The following VPS8 variants were observed in gnomAD, a reference collection of about 807,000 sequenced individuals.
The protein encoded by VPS8 is VPS8 subunit of CORVET complex, also known as vacuolar protein sorting-associated protein 8 homolog.
VPS8 carries 129 observed loss-of-function variants against 216.4 expected under a neutral mutation model. That is an observed-to-expected ratio of 0.60 (90% CI 0.52 to 0.69). VPS8 has a LOEUF of 0.69. Among genes scored for constraint, VPS8 ranks in the 30% least tolerant of loss-of-function variants. The pLI is 0.00. For missense variants in VPS8, 1,531 were observed against 1,683.5 expected (o/e 0.91, Z 1.59); for synonymous variants, 571 against 565.4 (o/e 1.01, Z -0.14).
chr3:184,929,474 G>GCCT, intron 32 of VPS8, 106 bp from the exon 33 acceptor site: 1 of 675,670 alleles, frequency 1.5e-6, no homozygotes, highest in South Asian at 1.7e-5. Flanking sequence ...ATAAGCATGA[G>GCCT]CCAGGACACC....
At chr3:184,904,075 A>G (rs527756301) in intron 25 of VPS8, among the ~76,000 whole-genome samples, 2 of 152,236 alleles carry the variant, frequency 1.3e-5, no homozygotes, top group South Asian at 4.1e-4. Context: ...TGACTTTTGT[A>G]TATTGATCTT....
chr3:185,031,650 T>G (rs1758184004), intron 46 of VPS8, among the ~76,000 whole-genome samples: 1 of 152,190 alleles, frequency 6.6e-6, no homozygotes, highest in Non-Finnish European at 1.5e-5. Flanking sequence ...AACTGGTACC[T>G]GTGGGTAGCT....
chr3:184,943,119 A>G (rs1423867702), intron 36 of VPS8, among the ~76,000 whole-genome samples: 1 of 152,188 alleles, frequency 6.6e-6, no homozygotes, highest in East Asian at 1.9e-4. Flanking sequence ...GCACACTCAG[A>G]TATAGAGTGT....
intron 42 of VPS8, among the ~76,000 whole-genome samples, chr3:184,983,412 GAT>G (rs1466853633): frequency 1.3e-5 from 2 of 152,190 alleles, no homozygotes; most frequent in Admixed American, 6.5e-5. Context: ...GTTATCAGCT[GAT>G]TATAATTTTT....
At chr3:185,031,079 T>TTTTTTTTTG (rs1758089529) in intron 46 of VPS8, among the ~76,000 whole-genome samples, 1 of 148,636 alleles carries the variant, frequency 6.7e-6, no homozygotes, top group African/African-American at 2.5e-5. Context: ...TTTTTTTTTT[T>TTTTTTTTTG]TTTTTTTTTT....
intron 8 of VPS8, among the ~76,000 whole-genome samples, chr3:184,848,564 C>CTTTTTTTTT (rs35715889): frequency 1.0e-3 from 89 of 87,176 alleles, no homozygotes; most frequent in Non-Finnish European, 1.7e-3. Context: ...TTCCTGTATT[C>CTTTTTTTTT]TTTTTTTTTT....
intron 37 of VPS8, among the ~76,000 whole-genome samples, chr3:184,962,761 G>GTGTGTGTGTGTGTGTGTGTGTGTGTGTT (rs1324151343): frequency 1.1e-5 from 1 of 93,012 alleles, no homozygotes; most frequent in African/African-American, 3.3e-5. Context: ...GTGTGTGTGT[G>GTGTGTGTGTGTGTGTGTGTGTGTGTGTT]TGTGTCTTAT....
At chr3:184,955,186 C>T (rs1745367639) in intron 36 of VPS8, among the ~76,000 whole-genome samples, 1 of 152,186 alleles carries the variant, frequency 6.6e-6, no homozygotes, top group South Asian at 2.1e-4. Context: ...TCTAGGCCTG[C>T]CCGCAGTCAT....
rs1299351427 is a variant in VPS8 at position 185,016,102 on chromosome 3, ATTACTCAT to A, written c.4003-8233_4003-8226del. On this transcript the variant is annotated intron_variant, in intron 45 of 47. Coordinates refer to ENST00000625842, the MANE Select transcript of VPS8 (RefSeq NM_001009921.3). ...GATCTCCTCTAAGGATAGAAAATAG[ATTACTCAT>A]GGCGTAGGTAGGAATGCCTAGAGCA... Among the ~76,000 whole-genome samples, 175 of 152,336 alleles carry A rather than the reference ATTACTCAT, an allele frequency of 1.1e-3. 2 individuals carry two copies. Among genetic ancestry groups the A allele is most frequent in the African/African-American group, 4.1e-3 (169 of 41,572 alleles).
At chr3:184,867,645 A>G (rs904956197) in intron 17 of VPS8, among the ~76,000 whole-genome samples, 1 of 152,234 alleles carries the variant, frequency 6.6e-6, no homozygotes, top group Non-Finnish European at 1.5e-5. Flanking sequence ...TAAGAGTTCA[A>G]GACCAGCCTG....
At chr3:184,917,260 C>T (rs1014805924) in intron 28 of VPS8, among the ~76,000 whole-genome samples, 1 of 152,072 alleles carries the variant, frequency 6.6e-6, no homozygotes, top group Non-Finnish European at 1.5e-5. Context: ...TGAGACAGAG[C>T]AATGAGTATT....
intron 31 of VPS8, among the ~76,000 whole-genome samples, chr3:184,928,134 T>G (rs1740013829): frequency 6.6e-6 from 1 of 152,250 alleles, no homozygotes; most frequent in Admixed American, 6.5e-5. Context: ...AAAAATTCAC[T>G]TCTTGAAAGA....
chr3:185,037,617 T>G (rs143617983), intron 46 of VPS8, among the ~76,000 whole-genome samples: 283 of 152,300 alleles, frequency 1.9e-3, no homozygotes, highest in African/African-American at 6.8e-3. Context: ...TGATGATAAC[T>G]CCACATTTCT....
rs547071306 is a variant in VPS8, at chr3:184,920,114, T to C, written c.2383-13T>C. On this transcript the variant is annotated splice_polypyrimidine_tract_variant and intron_variant, in intron 28 of 47. Transcript: ENST00000625842. The stretch of plus-strand genomic sequence containing the variant: ...ATAATAATTACTTTAAAAAATTTAT[T>C]TCTCCCTTTTAGACTTTTGAAGATT... 6.1e-5 allele frequency: 92 copies of C among 1,496,112 alleles called. No homozygotes were observed. In the South Asian group the frequency reaches 1.1e-3, roughly 17 times the overall value. The allele number at this position is 1,496,112 out of a possible 1,614,324, so 92.7% of individuals were successfully genotyped here.
intron 22 of VPS8, 85 bp downstream of exon 22, chr3:184,886,241 T>A (rs1731207041): frequency 8.2e-7 from 1 of 1,218,476 alleles, no homozygotes. Flanking sequence ...ATTCTATGAA[T>A]TTGACTGAAT....
chr3:184,916,021 C>G (rs1290874362), intron 28 of VPS8, among the ~76,000 whole-genome samples: 4 of 151,938 alleles, frequency 2.6e-5, no homozygotes, highest in Non-Finnish European at 4.4e-5. Context: ...CTCTCTCCTT[C>G]TCTCTCTTCC....
At chr3:184,866,654 T>G (rs751742538) in intron 16 of VPS8, among the ~76,000 whole-genome samples, 20 of 152,188 alleles carry the variant, frequency 1.3e-4, no homozygotes, top group Non-Finnish European at 2.9e-4. Flanking sequence ...AAAAATAGTA[T>G]GTAGCGCTGG....
intron 28 of VPS8, among the ~76,000 whole-genome samples, chr3:184,917,049 C>T (rs1314305655): frequency 6.6e-6 from 1 of 152,146 alleles, no homozygotes; most frequent in Non-Finnish European, 1.5e-5. Context: ...ATAATTATAG[C>T]ACAGTGTAAT....
chr3:184,976,925 G>T (rs1335364765), intron 40 of VPS8, among the ~76,000 whole-genome samples: 1 of 152,062 alleles, frequency 6.6e-6, no homozygotes, highest in Non-Finnish European at 1.5e-5. Flanking sequence ...GTCAACATAT[G>T]GTACATGTAT....
Sources: gnomAD v4.1 joint callset for allele counts (sites outside exome capture counted in the v4.1 genomes callset) on GRCh38, gnomAD v4.1.1 for gene constraint, MANE v1.5 for transcripts, NCBI Gene and HGNC (gene_info 2026-07-23, HGNC 2026-07-21) for gene names.